Variants in KLF7 observed in about 807,000 individuals in gnomAD.
KLF7 encodes Krueppel-like factor 7.
A neutral mutation model predicts 27.3 loss-of-function variants in KLF7; 2 were observed. The ratio of observed to expected loss-of-function variants is 0.07; its 90% CI spans 0.03 to 0.23. KLF7 has a LOEUF of 0.23. Ranked by LOEUF, KLF7 falls within the 10% of genes least tolerant of loss-of-function variation. KLF7 has a pLI of 1.00. For missense variants in KLF7, 221 were observed against 394.1 expected (o/e 0.56, Z 3.72); for synonymous variants, 165 against 162.4 (o/e 1.02, Z -0.12).
intron 1 of KLF7, among the ~76,000 whole-genome samples, chr2:207,157,817 A>C (rs2078432076): frequency 6.6e-6 from 1 of 152,254 alleles, no homozygotes; most frequent in African/African-American, 2.4e-5. Flanking sequence ...ATTAGATTCA[A>C]GAAAAAGAAA....
At chr2:207,168,317 ATGTGCCGT>A (rs1391128141), upstream of KLF7, among the ~76,000 whole-genome samples, 4 of 152,232 alleles carry the variant, frequency 2.6e-5, no homozygotes, top group African/African-American at 9.6e-5. Flanking sequence ...AGCACTTCGA[ATGTGCCGT>A]ATGCGCATAA....
chr2:207,143,522 T>C (rs2078004947), intron 1 of KLF7, among the ~76,000 whole-genome samples: 1 of 152,216 alleles, frequency 6.6e-6, no homozygotes, highest in South Asian at 2.1e-4. Context: ...TTCTGCTTTG[T>C]AGCCTCTCTC....
Position 207,093,104 on chromosome 2 carries a change from GC to G in KLF7, c.734-4524del, listed in dbSNP as rs1401023384. 5.9e-5 allele frequency among the ~76,000 whole-genome samples: 9 copies of G among 152,098 alleles called. No homozygotes were observed. In the South Asian group the frequency reaches 1.5e-3, roughly 25 times the overall value. ...AGAGCATAAGTGACTCTTACAGGGG[GC>G]CTTAGTCTATATATTTCCATATAAA... is the stretch of plus-strand genomic sequence containing the variant. On this transcript the variant is annotated intron_variant, in intron 2 of 3. Coordinates refer to ENST00000309446, the MANE Select transcript of KLF7 (RefSeq NM_003709.4).
chr2:207,133,621 G>T (rs1165566962), intron 1 of KLF7, among the ~76,000 whole-genome samples: 2 of 152,146 alleles, frequency 1.3e-5, no homozygotes, highest in Non-Finnish European at 2.9e-5. Flanking sequence ...CTTGTGTCAG[G>T]CAGGGCCTGA....
chr2:207,085,110 C>T (rs538274087), intron 3 of KLF7, among the ~76,000 whole-genome samples: 8 of 138,482 alleles, frequency 5.8e-5, no homozygotes, highest in African/African-American at 1.6e-4. Context: ...TGCAGTGAGC[C>T]GAGATCGCAC....
Position 207,075,786 on chromosome 2 carries a change from T to C in KLF7, c.*5427A>G, listed in dbSNP as rs2076166122. ...TGGCCATTAACAGGTGTATTTTTCCTCCCTGGAATGAAGCAGAAGTGAAAG... is the reference window on the plus strand; with the variant it reads ...TGGCCATTAACAGGTGTATTTTTCCCCCCTGGAATGAAGCAGAAGTGAAAG... On this transcript the variant is annotated 3_prime_UTR_variant, in exon 4 of 4. Coordinates refer to ENST00000309446, the MANE Select transcript of KLF7 (RefSeq NM_003709.4). 1 of 152,000 alleles carries C rather than the reference T, an allele frequency of 6.6e-6. No homozygotes were observed. 9.4% of individuals were successfully genotyped at this position (152,000 alleles called of 1,614,324 possible).
intron 2 of KLF7, among the ~76,000 whole-genome samples, chr2:207,096,681 C>T (rs1472198641): frequency 1.3e-5 from 2 of 152,120 alleles, no homozygotes; most frequent in Non-Finnish European, 2.9e-5. Context: ...CTTAATAGAA[C>T]GTTTGGAGCC....
At chr2:207,119,465 T>TC (rs2077277429) in intron 2 of KLF7, among the ~76,000 whole-genome samples, 1 of 151,934 alleles carries the variant, frequency 6.6e-6, no homozygotes, top group South Asian at 2.1e-4. Flanking sequence ...CATAGTTTTT[T>TC]TTTTAATATT....
intron 1 of KLF7, among the ~76,000 whole-genome samples, chr2:207,159,315 T>C (rs1365753065): frequency 7.2e-5 from 11 of 152,312 alleles, no homozygotes; most frequent in Admixed American, 7.2e-4. Context: ...GGCTGAAAGC[T>C]TTTTCACAAC....
intron 1 of KLF7, among the ~76,000 whole-genome samples, chr2:207,148,623 A>G (rs1463840223): frequency 6.6e-6 from 1 of 152,182 alleles, no homozygotes; most frequent in East Asian, 1.9e-4. Context: ...GGGACTTCAA[A>G]TAAAAATTCA....
intron 3 of KLF7, among the ~76,000 whole-genome samples, chr2:207,083,431 T>A (rs2076319843): frequency 6.6e-6 from 1 of 152,206 alleles, no homozygotes; most frequent in African/African-American, 2.4e-5. Context: ...AAATGTAACA[T>A]CCTTATAAGA....
chr2:207,097,565 C>G (rs565028669), intron 2 of KLF7, among the ~76,000 whole-genome samples: 1 of 152,078 alleles, frequency 6.6e-6, no homozygotes, highest in African/African-American at 2.4e-5. Context: ...TGGAAATACA[C>G]GGGACTAAAG....
Position 207,124,417 on chromosome 2 carries a change from G to A in KLF7, c.103-13C>T. 1 of 1,538,492 alleles carries A rather than the reference G, an allele frequency of 6.5e-7. No individual in the cohort carries two copies. Among genetic ancestry groups the A allele is most frequent in the Non-Finnish European group, 8.8e-7 (1 of 1,140,314 alleles). ...ATTCAAGGCATGTCTGCAAGAGGAA[G>A]AAGGAGGGAGAGAAACAGCCATCAG... On this transcript the variant is annotated splice_polypyrimidine_tract_variant and intron_variant, in intron 1 of 3. Transcript: ENST00000309446.
At chr2:207,105,763 T>C (rs10196134) in intron 2 of KLF7, among the ~76,000 whole-genome samples, 12,105 of 152,166 alleles carry the variant, frequency 0.08, 606 homozygotes, top group Middle Eastern at 0.14. Flanking sequence ...TCAGTTTGTG[T>C]GCTCTGCAGG....
upstream of KLF7, chr2:207,166,048 A>G: frequency 7.9e-6 from 2 of 251,926 alleles, no homozygotes; most frequent in Non-Finnish European, 9.2e-6. Context: ...CCCACCCCCC[A>G]CCCCATCCTT....
chr2:207,149,289 T>G, intron 1 of KLF7: 1 of 517,702 alleles, frequency 1.9e-6, no homozygotes. Flanking sequence ...CTTTGTCTTC[T>G]AGACTAGCCA....
intron 1 of KLF7, among the ~76,000 whole-genome samples, chr2:207,139,043 G>C (rs760077437): frequency 2.0e-5 from 3 of 152,132 alleles, no homozygotes; most frequent in Non-Finnish European, 2.9e-5. Flanking sequence ...TTTTTGCGAA[G>C]GTAGGGGATG....
At chr2:207,156,942 C>T (rs1156969706) in intron 1 of KLF7, among the ~76,000 whole-genome samples, 1 of 152,172 alleles carries the variant, frequency 6.6e-6, no homozygotes, top group Non-Finnish European at 1.5e-5. Context: ...ACTGGAATTG[C>T]CTGAAAGCTT....
chr2:207,130,715 T>A (rs922156542), intron 1 of KLF7, among the ~76,000 whole-genome samples: 1 of 152,224 alleles, frequency 6.6e-6, no homozygotes, highest in African/African-American at 2.4e-5. Flanking sequence ...AAGGTTCAGT[T>A]TTTATTTCTG....
Sources: allele counts gnomAD v4.1 joint callset (sites outside exome capture counted in the v4.1 genomes callset), GRCh38; gene constraint gnomAD v4.1.1; transcripts MANE v1.5; gene names NCBI Gene and HGNC (gene_info 2026-07-23, HGNC 2026-07-21).